Variants in CELSR1 observed in about 807,000 individuals in gnomAD.
The protein encoded by CELSR1 is adhesion G protein-coupled receptor C1.
CELSR1 carries 110 observed loss-of-function variants against 249.1 expected under a neutral mutation model. That is an observed-to-expected ratio of 0.44 (90% CI 0.38 to 0.52). The LOEUF (loss-of-function observed/expected upper bound fraction) is 0.52, where lower values mean the gene tolerates loss of function less well. CELSR1 is among the 20% of genes least tolerant of loss of function. The pLI is 0.00. For synonymous variants in CELSR1, 2,113 were observed against 1,900.0 expected (o/e 1.11, Z -2.92); for missense variants, 4,109 against 4,296.4 (o/e 0.96, Z 1.22).
Position 46,396,553 on chromosome 22 carries a change from C to A in CELSR1, c.5843+52G>T, listed in dbSNP as rs576083236. The A allele has an allele frequency of 3.4e-6, 5 of 1,455,046 alleles. No individual in the cohort carries two copies. In the Admixed American group the frequency reaches 7.7e-5, roughly 22 times the overall value. 90.1% of individuals were successfully genotyped at this position (1,455,046 alleles called of 1,614,324 possible). ...AAGAGAAGACACTGAGTCGAGGGAA[C>A]ACAGCCACATGGACTCTGAAGGTGC... On this transcript the variant is annotated intron_variant, in intron 13 of 34. Transcript: ENST00000674500. This position sits in a 1 kb window ranked among gnomAD's most constrained non-coding sequence, Gnocchi z 6.4.
At chr22:46,378,848 G>A (rs2078947498) in intron 22 of CELSR1, 131 bp from the exon 23 acceptor site, 2 of 1,226,656 alleles carry the variant, frequency 1.6e-6, no homozygotes, top group East Asian at 2.5e-5. Context: ...GGTGCCGTGA[G>A]TGCTGAAAGC....
chr22:46,378,609 C>A lies in CELSR1; in HGVS notation c.7365G>T (p.Met2455Ile). The A allele has an allele frequency of 6.3e-7, 1 of 1,584,710 alleles. No individual in the cohort carries two copies. ...CSHTASFAVLMDISRRENGEV... is the reference protein window; with the variant it reads ...CSHTASFAVLIDISRRENGEV... ...TGCCCACCTCACGCCTGGAGATATC[C>A]ATGAGCACCGCAAAGCTGGCTGTGT... The change falls in exon 23 of 35, where the codon ATG becomes ATT. Residue 2455 changes from methionine to isoleucine, a missense_variant. Coordinates refer to ENST00000674500, the MANE Select transcript of CELSR1 (RefSeq NM_001378328.1).
chr22:46,450,542 G>A (rs2079871494), intron 2 of CELSR1, among the ~76,000 whole-genome samples: 1 of 152,254 alleles, frequency 6.6e-6, no homozygotes, highest in South Asian at 2.1e-4. Flanking sequence ...AAGGTTCAGA[G>A]AGGGCAGTTA....
At chr22:46,376,174 A>C (rs1444334869) in intron 24 of CELSR1, among the ~76,000 whole-genome samples, 2 of 152,268 alleles carry the variant, frequency 1.3e-5, no homozygotes, top group Non-Finnish European at 2.9e-5. Flanking sequence ...CATAACATTT[A>C]TCAAAATTCT....
In CELSR1 at chr22:46,389,517, T is replaced by G; in HGVS notation, c.6346-18A>C. The G allele has an allele frequency of 6.2e-7, 1 of 1,612,438 alleles. No homozygotes were observed. ...TTCTCATTCTGGAACAGGGAGGCAGTCGTGATGTGTGCAAACCCACTTCGG... is the reference window on the plus strand; with the variant it reads ...TTCTCATTCTGGAACAGGGAGGCAGGCGTGATGTGTGCAAACCCACTTCGG... On this transcript the variant is annotated intron_variant, in intron 17 of 34. Transcript: ENST00000674500.
chr22:46,383,541 C>A (rs888269961), intron 20 of CELSR1, among the ~76,000 whole-genome samples: 17 of 152,156 alleles, frequency 1.1e-4, no homozygotes, highest in African/African-American at 3.9e-4. Flanking sequence ...GCTTTCCCCC[C>A]AACCAGACAG....
chr22:46,461,964 C>A (rs1034147193), intron 2 of CELSR1, among the ~76,000 whole-genome samples: 1 of 152,184 alleles, frequency 6.6e-6, no homozygotes, highest in African/African-American at 2.4e-5. Context: ...GGAAGGGGAC[C>A]TGGGGAAGCT....
intron 1 of CELSR1, among the ~76,000 whole-genome samples, chr22:46,482,601 G>T (rs551162207): frequency 2.8e-4 from 42 of 152,186 alleles, no homozygotes; most frequent in African/African-American, 8.9e-4. Flanking sequence ...TGTAAACTCA[G>T]CTACTCGAAA....
At chr22:46,502,741 G>A (rs970326988) in intron 1 of CELSR1, among the ~76,000 whole-genome samples, 1 of 152,142 alleles carries the variant, frequency 6.6e-6, no homozygotes, top group Non-Finnish European at 1.5e-5. Context: ...CCAGGCAAGT[G>A]ACAGATGAAC....
In CELSR1 at chr22:46,384,534, C is replaced by T. The variant is rs527912141; in HGVS notation, c.6883+9G>A. ...CCGAGGGCAGCAGCAGGTTTCTAAG[C>T]GGTTTTACCTTTTTCTTCAGGTGGT... On this transcript the variant is annotated intron_variant, in intron 20 of 34. Transcript: ENST00000674500. The T allele has an allele frequency of 9.4e-6, 15 of 1,592,150 alleles. No homozygotes were observed. Among genetic ancestry groups the T allele is most frequent in the East Asian group, 9.0e-5 (4 of 44,474 alleles).
chr22:46,461,167 G>A (rs1312572813), intron 2 of CELSR1, among the ~76,000 whole-genome samples: 1 of 152,140 alleles, frequency 6.6e-6, no homozygotes, highest in Non-Finnish European at 1.5e-5. Flanking sequence ...AGGGAAAAGG[G>A]GAGGAAGAGG....
intron 9 of CELSR1, among the ~76,000 whole-genome samples, chr22:46,403,425 T>C (rs1364701152): frequency 1.4e-5 from 2 of 147,026 alleles, no homozygotes; most frequent in African/African-American, 2.5e-5. Context: ...GGCGTGGTAG[T>C]GGGCGCCTGT....
Position 46,399,381 on chromosome 22 carries a change from A to G in CELSR1, c.5412+336T>C, listed in dbSNP as rs1407601601. On this transcript the variant is annotated intron_variant, in intron 10 of 34. Coordinates refer to ENST00000674500, the MANE Select transcript of CELSR1 (RefSeq NM_001378328.1). The surrounding 1 kb of genome is among the most constrained non-coding windows in gnomAD (Gnocchi z 5.0). ...CGGGCCCCAGCATTGCTACTTCAGT[A>G]CCCTAAAGACATGGTGCTGAGCCTG... Among the ~76,000 whole-genome samples, 1 of 152,292 alleles carries G rather than the reference A, an allele frequency of 6.6e-6. No homozygotes were observed. The highest frequency in any genetic ancestry group is 3.4e-3 in the Middle Eastern group (1 of 294).
chr22:46,422,715 T>G (rs545582859), intron 5 of CELSR1, among the ~76,000 whole-genome samples: 23 of 148,528 alleles, frequency 1.5e-4, no homozygotes, highest in African/African-American at 5.6e-4. Context: ...TGCAGTGAGC[T>G]GAGATCACGC....
rs749119912 is a variant in CELSR1 at position 46,512,178 on chromosome 22, C to T, written c.3544+21449G>A. 4.6e-5 allele frequency among the ~76,000 whole-genome samples: 7 copies of T among 152,196 alleles called. No individual in the cohort carries two copies. The highest frequency in any genetic ancestry group is 1.7e-4 in the African/African-American group (7 of 41,444). On this transcript the variant is annotated intron_variant, in intron 1 of 34. Transcript: ENST00000674500. This position sits in a 1 kb window ranked among gnomAD's most constrained non-coding sequence, Gnocchi z 5.2. ...GCGGCGCTCATAAGCCCTTACTAAG[C>T]GTGCTGCCCTCGAGGGCTCACAGCT...
chr22:46,527,618 A>T lies in CELSR1; in HGVS notation c.3544+6009T>A, dbSNP rs536230015. Among the ~76,000 whole-genome samples, 1 of 152,346 alleles carries T rather than the reference A, an allele frequency of 6.6e-6. No individual in the cohort carries two copies. The highest frequency in any genetic ancestry group is 2.4e-5 in the African/African-American group (1 of 41,586). ...GGCTCTCCCGGCTTTCGCACACAGC[A>T]GGTGCTCAATAAACAAACCAACACT... On this transcript the variant is annotated intron_variant, in intron 1 of 34. Coordinates refer to ENST00000674500, the MANE Select transcript of CELSR1 (RefSeq NM_001378328.1). This position sits in a 1 kb window ranked among gnomAD's most constrained non-coding sequence, Gnocchi z 5.5.
At position 46,406,498 on chromosome 22, in the gene CELSR1, G is replaced by A. The variant is rs2079267255; in HGVS notation, c.5226+2498C>T. Among the ~76,000 whole-genome samples the A allele has an allele frequency of 6.6e-6, 1 of 152,180 alleles. No individual in the cohort carries two copies. Among genetic ancestry groups the A allele is most frequent in the South Asian group, 2.1e-4 (1 of 4,826 alleles). On this transcript the variant is annotated intron_variant, in intron 9 of 34. Transcript: ENST00000674500. The surrounding 1 kb of genome is among the most constrained non-coding windows in gnomAD (Gnocchi z 5.4). ...TCTCCTGAGCCCTCGCTGATCTGCT[G>A]AGGGACTGACCTCCACCAGCCTGCT...
At chr22:46,513,913 C>T (rs570989343) in intron 1 of CELSR1, among the ~76,000 whole-genome samples, 153 of 150,500 alleles carry the variant, frequency 1.0e-3, no homozygotes, top group African/African-American at 1.4e-3. Context: ...CTGCCTCAGC[C>T]CCCCCCGAGT....
chr22:46,397,368 A>G (rs1012519196), intron 12 of CELSR1, among the ~76,000 whole-genome samples: 48 of 128,740 alleles, frequency 3.7e-4, no homozygotes, highest in African/African-American at 1.4e-3. Context: ...TGATCCACCC[A>G]CCTCGGCCTC....
Sources: allele counts gnomAD v4.1 joint callset (sites outside exome capture counted in the v4.1 genomes callset), GRCh38; gene constraint gnomAD v4.1.1; non-coding constraint Gnocchi (gnomAD v3.1); transcripts MANE v1.5; gene names NCBI Gene and HGNC (gene_info 2026-07-23, HGNC 2026-07-21).